The following PER1 variants were observed in gnomAD, a reference collection of about 807,000 sequenced individuals.
PER1 encodes the protein period circadian protein homolog 1.
PER1 carries 87 observed loss-of-function variants against 125.9 expected under a neutral mutation model. That is an observed-to-expected ratio of 0.69 (90% CI 0.58 to 0.83). PER1 has a LOEUF of 0.83. Among genes scored for constraint, PER1 ranks in the 40% least tolerant of loss-of-function variants. The pLI, the probability that PER1 is intolerant of heterozygous loss-of-function variation, is 0.00. For missense variants in PER1, 1,775 were observed against 1,722.8 expected, an observed-to-expected ratio of 1.03 and a Z score of -0.54; for synonymous variants, 801 against 714.7, an observed-to-expected ratio of 1.12 and a Z score of -1.93.
At position 8,145,935 on chromosome 17, in the gene PER1, GCCC is replaced by G. The variant is rs762627196; in HGVS notation, c.2218+20_2218+22del. 8 of 1,570,900 alleles carry G rather than the reference GCCC, an allele frequency of 5.1e-6. No individual in the cohort carries two copies. The highest frequency in any genetic ancestry group is 2.3e-5 in the East Asian group (1 of 43,622). The stretch of plus-strand genomic sequence containing the variant: ...GGGAGACCGGTGGAGCCCAAGCACT[GCCC>G]CCCAATTCCACACCCATACCCGACT... On this transcript the variant is annotated intron_variant, in intron 17 of 22. Coordinates refer to ENST00000317276, the MANE Select transcript of PER1 (RefSeq NM_002616.3).
At position 8,149,597 on chromosome 17, in the gene PER1, C is replaced by T. The variant is rs74795714; in HGVS notation, c.718G>A (p.Val240Ile). The T allele has an allele frequency of 5.5e-3, 8,907 of 1,613,368 alleles. 38 individuals carry two copies. Among genetic ancestry groups the T allele is most frequent in the Non-Finnish European group, 6.6e-3 (7,811 of 1,179,392 alleles). Residue 240 changes from valine (V) to isoleucine (I), a missense_variant, in exon 6 of 23, where the codon GTC becomes ATC. Coordinates refer to ENST00000317276, the MANE Select transcript of PER1 (RefSeq NM_002616.3). ...RIVYISEQAA[V>I]LLRCKRDVFR... ...ACGTCCCGCTTGCAACGCAGCAGGACGGCTGCCTGCTCCGAAATGTAGACG... is the reference window on the plus strand; with the variant it reads ...ACGTCCCGCTTGCAACGCAGCAGGATGGCTGCCTGCTCCGAAATGTAGACG...
At position 8,149,297 on chromosome 17, in the gene PER1, C is replaced by T; in HGVS notation, c.867G>A (p.Arg289=). 1.2e-6 allele frequency: 2 copies of T among 1,614,048 alleles called. No homozygotes were observed. The highest frequency in any genetic ancestry group is 1.7e-6 in the Non-Finnish European group (2 of 1,179,992). ...GTGASAGSGL[R]DFTQEKSVFC... is the part of the protein sequence containing the mutation. ...AGACGGACTTCTCCTGGGTAAAGTCCCTGAGGCCTGAACCTGGGACAGACA... is the reference window on the plus strand; with the variant it reads ...AGACGGACTTCTCCTGGGTAAAGTCTCTGAGGCCTGAACCTGGGACAGACA... Residue 289 remains arginine (R), a synonymous_variant, in exon 7 of 23, where the codon AGG becomes AGA. Transcript: ENST00000317276.
chr17:8,150,340 G>C (rs1982775772), intron 2 of PER1, 23 bp from the exon 3 acceptor site: 2 of 1,546,552 alleles, frequency 1.3e-6, no homozygotes, highest in Non-Finnish European at 1.7e-6. Context: ...AACAGGCCCA[G>C]TTACAGGTAG....
In PER1 at chr17:8,150,145, G is replaced by A. The variant is rs779403067; in HGVS notation, c.375-20C>T. ...TCACTGCTGCGGGGCCCACAGGGAAGAAAGAGATAAAGACATTAGTCCCAG... is the reference window on the plus strand; with the variant it reads ...TCACTGCTGCGGGGCCCACAGGGAAAAAAGAGATAAAGACATTAGTCCCAG... On this transcript the variant is annotated intron_variant, in intron 3 of 22. Coordinates refer to ENST00000317276, the MANE Select transcript of PER1 (RefSeq NM_002616.3). 9 of 1,612,984 alleles carry A rather than the reference G, an allele frequency of 5.6e-6. No homozygotes were observed. Among genetic ancestry groups the A allele is most frequent in the Admixed American group, 1.7e-5 (1 of 60,018 alleles).
chr17:8,150,077 T>C lies in PER1; in HGVS notation c.423A>G (p.Ala141=), dbSNP rs1348643817. ...RARTQKELMT[A]LRELKLRLPP... ...GCAGTCGAAGCTTGAGCTCTCGAAG[T>C]GCTGTCATGAGTTCCTTCTGAGTCC... Residue 141 remains alanine (A), a synonymous_variant, in exon 4 of 23, where the codon GCA becomes GCG. Coordinates refer to ENST00000317276, the MANE Select transcript of PER1 (RefSeq NM_002616.3). 3 of 1,614,210 alleles carry C rather than the reference T, an allele frequency of 1.9e-6. No homozygotes were observed. The highest frequency in any genetic ancestry group is 2.5e-6 in the Non-Finnish European group (3 of 1,180,034).
chr17:8,148,732 C>G lies in PER1; in HGVS notation c.960G>C (p.Pro320=). ...GPRYQPFRLT[P]YVTKIRVSDG... is the part of the protein sequence containing the mutation. ...CTGAGACCCGGATCTTGGTCACATACGGGGTTAGGCGGAATGGCTGGTACC... is the reference window on the plus strand; with the variant it reads ...CTGAGACCCGGATCTTGGTCACATAGGGGGTTAGGCGGAATGGCTGGTACC... Residue 320 remains proline (P), a synonymous_variant, in exon 8 of 23, where the codon CCG becomes CCC. Transcript: ENST00000317276. 3 of 1,613,912 alleles carry G rather than the reference C, an allele frequency of 1.9e-6. No individual in the cohort carries two copies. The highest frequency in any genetic ancestry group is 2.5e-6 in the Non-Finnish European group (3 of 1,179,914).
At chr17:8,149,216 A>C in intron 7 of PER1, 43 bp downstream of exon 7, 2 of 1,564,086 alleles carry the variant, frequency 1.3e-6, no homozygotes, top group Non-Finnish European at 1.8e-6. Flanking sequence ...ACAAAAACAA[A>C]AAAAAAAGGA....
At chr17:8,148,565 G>C in intron 8 of PER1, 79 bp downstream of exon 8, 1 of 1,476,408 alleles carries the variant, frequency 6.8e-7, no homozygotes, top group Non-Finnish European at 9.1e-7. Flanking sequence ...TGTGGTTCAT[G>C]CCTCCCAAAT....
In PER1 at chr17:8,141,185, C is replaced by T; in HGVS notation, c.3756G>A (p.Glu1252=). The change falls in exon 23 of 23, where the codon GAG becomes GAA. Residue 1252 remains glutamate, a synonymous_variant. Transcript: ENST00000317276. Reference sequence around the variant, plus strand: ...AAGCCTTGGCCCCGCCTTGGGCCTCCTCGCAGCCCTCTCCCTCACCACTGC... The same window carrying T: ...AAGCCTTGGCCCCGCCTTGGGCCTCTTCGCAGCCCTCTCCCTCACCACTGC... ...GGGSGEGEGC[E]EAQGGAKASS... The T allele has an allele frequency of 6.2e-7, 1 of 1,614,206 alleles. No homozygotes were observed. Among genetic ancestry groups the T allele is most frequent in the Non-Finnish European group, 8.5e-7 (1 of 1,180,046 alleles).
chr17:8,149,202 AAAAACAAAAAC>A (rs1982661856), intron 7 of PER1, 46 bp downstream of exon 7: 3 of 1,471,426 alleles, frequency 2.0e-6, no homozygotes. Flanking sequence ...AAGCAAAAAC[AAAAACAAAAAC>A]AAAAAAAAAA....
intron 17 of PER1, among the ~76,000 whole-genome samples, chr17:8,145,519 T>C (rs1361089209): frequency 6.6e-6 from 1 of 152,102 alleles, no homozygotes; most frequent in African/African-American, 2.4e-5. Context: ...ATACAGGGTT[T>C]CACCATGTTG....
rs3027187 is a variant in PER1, at chr17:8,146,061, C to T, written c.2115G>A (p.Pro705=). The T allele has an allele frequency of 2.0e-5, 33 of 1,613,766 alleles. No homozygotes were observed. The highest frequency in any genetic ancestry group is 8.0e-5 in the African/African-American group (6 of 74,950). Reference sequence around the variant, plus strand: ...TCTCCGCCTTATTGGCCAGGGCGAGCGGGCTCAGGGTGCCTCCCACCACTG... The same window carrying T: ...TCTCCGCCTTATTGGCCAGGGCGAGTGGGCTCAGGGTGCCTCCCACCACTG... ...KEPVVGGTLS[P]LALANKAESV... is the part of the protein sequence containing the mutation. The change falls in exon 17 of 23, where the codon CCG becomes CCA. Residue 705 remains proline (P), a synonymous_variant. Coordinates refer to ENST00000317276, the MANE Select transcript of PER1 (RefSeq NM_002616.3).
chr17:8,144,603 G>A (rs757228081), intron 18 of PER1, 148 bp downstream of exon 18: 41 of 1,076,860 alleles, frequency 3.8e-5, no homozygotes, highest in African/African-American at 4.7e-5. Context: ...AGAAGCTAGC[G>A]AGGGGCCTGT....
intron 17 of PER1, chr17:8,145,283 G>T (rs534748478): frequency 5.9e-4 from 182 of 308,074 alleles, no homozygotes; most frequent in African/African-American, 3.6e-3. Context: ...CATTGGAAGA[G>T]AAGCCCACCC....
chr17:8,150,142 GAAGA>G lies in PER1; in HGVS notation c.375-21_375-18del. The G allele has an allele frequency of 6.2e-7, 1 of 1,612,950 alleles. No individual in the cohort carries two copies. The highest frequency in any genetic ancestry group is 8.5e-7 in the Non-Finnish European group (1 of 1,179,018). ...TGTTCACTGCTGCGGGGCCCACAGG[GAAGA>G]AAGAGATAAAGACATTAGTCCCAGA... On this transcript the variant is annotated intron_variant, in intron 3 of 22. Coordinates refer to ENST00000317276, the MANE Select transcript of PER1 (RefSeq NM_002616.3).
chr17:8,146,284 A>G, intron 16 of PER1, 88 bp downstream of exon 16: 1 of 1,536,776 alleles, frequency 6.5e-7, no homozygotes, highest in African/African-American at 1.4e-5. Context: ...AGCAGGGCAG[A>G]GCAAGAGGGC....
At chr17:8,145,898 G>A in intron 17 of PER1, 60 bp downstream of exon 17, 6 of 1,521,216 alleles carry the variant, frequency 3.9e-6, no homozygotes, top group Non-Finnish European at 4.4e-6. Context: ...AAGGCAGGAG[G>A]GAGCTCTAGC....
chr17:8,140,926 G>A lies in PER1; in HGVS notation c.*142C>T, dbSNP rs1159731950. The A allele has an allele frequency of 6.4e-6, 6 of 941,508 alleles. No individual in the cohort carries two copies. The highest frequency in any genetic ancestry group is 8.0e-6 in the Non-Finnish European group (5 of 621,712). 58.3% of individuals were successfully genotyped at this position (941,508 alleles called of 1,614,324 possible). ...GAGGCAGCCCCTGGATCCTAGGCTG[G>A]TGATGGGGGTCCGGCCCCCTATGGT... On this transcript the variant is annotated 3_prime_UTR_variant, in exon 23 of 23. Transcript: ENST00000317276.
At chr17:8,145,365 C>T (rs1161454620) in intron 17 of PER1, among the ~76,000 whole-genome samples, 6 of 145,736 alleles carry the variant, frequency 4.1e-5, no homozygotes, top group Non-Finnish European at 7.5e-5. Flanking sequence ...ACTCTTTCTC[C>T]CAAGCTGGAG....
Sources: gnomAD v4.1 joint callset for allele counts (sites outside exome capture counted in the v4.1 genomes callset) on GRCh38, gnomAD v4.1.1 for gene constraint, MANE v1.5 for transcripts, NCBI Gene and HGNC (gene_info 2026-07-23, HGNC 2026-07-21) for gene names.